Variants in SIL1 observed in about 807,000 individuals in gnomAD.
The protein encoded by SIL1 is SIL1 nucleotide exchange factor.
SIL1 carries 40 observed loss-of-function variants against 49.1 expected under a neutral mutation model. The ratio of observed to expected loss-of-function variants is 0.81; its 90% confidence interval spans 0.63 to 1.06. The LOEUF (loss-of-function observed/expected upper bound fraction) is 1.06. Ranked by LOEUF, SIL1 falls within the 50% of genes least tolerant of loss-of-function variation. The pLI is 0.00. For synonymous variants in SIL1, 253 were observed against 250.8 expected (o/e 1.01, Z -0.08); for missense variants, 500 against 572.6 (o/e 0.87, Z 1.29).
In SIL1 at chr5:139,190,955, G is replaced by C. The variant is rs988798669; in HGVS notation, c.-11+7314C>G. Among the ~76,000 whole-genome samples, 7 of 152,166 alleles carry C rather than the reference G, an allele frequency of 4.6e-5. No homozygotes were observed. The South Asian group carries it at 1.0e-3, about 23-fold the overall frequency. On this transcript the variant is annotated intron_variant, in intron 1 of 9. Coordinates refer to ENST00000394817, the MANE Select transcript of SIL1 (RefSeq NM_022464.5). The stretch of plus-strand genomic sequence containing the variant: ...AAAAACAAGAAGCAACCTTAGGCCA[G>C]AGACAGTGGCTCACACCTGTAATCC...
At chr5:139,119,139 C>T (rs979467295) in intron 3 of SIL1, among the ~76,000 whole-genome samples, 1 of 152,216 alleles carries the variant, frequency 6.6e-6, no homozygotes, top group African/African-American at 2.4e-5. Context: ...GCCAATGAAA[C>T]ATCAAGTTAA....
intron 7 of SIL1, among the ~76,000 whole-genome samples, chr5:139,006,898 C>G (rs1472221994): frequency 1.4e-5 from 2 of 147,888 alleles, no homozygotes; most frequent in African/African-American, 2.5e-5. Context: ...TAGTGTGATG[C>G]CTCCAGCTTT....
chr5:139,043,805 G>A (rs539428552), intron 4 of SIL1, among the ~76,000 whole-genome samples: 2 of 152,360 alleles, frequency 1.3e-5, no homozygotes, highest in South Asian at 4.1e-4. Flanking sequence ...ACAGAGGTAA[G>A]CACAAGAATG....
intron 1 of SIL1, among the ~76,000 whole-genome samples, chr5:139,130,819 C>T (rs2151797300): frequency 6.6e-6 from 1 of 152,300 alleles, no homozygotes; most frequent in East Asian, 1.9e-4. Flanking sequence ...CTGATACATG[C>T]TGCAACATGG....
intron 3 of SIL1, among the ~76,000 whole-genome samples, chr5:139,107,852 C>T (rs945555708): frequency 6.6e-6 from 1 of 152,196 alleles, no homozygotes; most frequent in Admixed American, 6.5e-5. Context: ...TTTAAAATAA[C>T]CCTCTGAAGT....
intron 3 of SIL1, among the ~76,000 whole-genome samples, chr5:139,087,901 G>A (rs965608264): frequency 2.0e-5 from 3 of 152,126 alleles, no homozygotes; most frequent in Admixed American, 2.0e-4. Context: ...CATCCCAAGT[G>A]GCTAATGTGG....
intron 1 of SIL1, among the ~76,000 whole-genome samples, chr5:139,149,032 T>C (rs1315246695): frequency 6.6e-6 from 1 of 151,910 alleles, no homozygotes; most frequent in Non-Finnish European, 1.5e-5. Context: ...CACCCTGAAA[T>C]GCAACCACTC....
At chr5:139,155,636 AC>A (rs1320826768) in intron 1 of SIL1, among the ~76,000 whole-genome samples, 5 of 152,340 alleles carry the variant, frequency 3.3e-5, no homozygotes, top group Admixed American at 6.5e-5. Context: ...TTTGGGAGAC[AC>A]AAGCATTCAG....
In SIL1 at chr5:139,049,649, A is replaced by T. The variant is rs541538070; in HGVS notation, c.353+1289T>A. 6.0e-4 allele frequency among the ~76,000 whole-genome samples: 91 copies of T among 152,266 alleles called. 1 individual carries two copies. The highest frequency in any genetic ancestry group is 2.1e-3 in the African/African-American group (87 of 41,562). The stretch of plus-strand genomic sequence containing the variant: ...ACAAAAAAATTTAAAAAAATTAGCC[A>T]GGCATAGTGGCACACACCTGTAGCC... On this transcript the variant is annotated intron_variant, in intron 4 of 9. Coordinates refer to ENST00000394817, the MANE Select transcript of SIL1 (RefSeq NM_022464.5).
intron 1 of SIL1, among the ~76,000 whole-genome samples, chr5:139,171,503 C>T (rs10058451): frequency 0.19 from 29,484 of 151,768 alleles, 6,415 homozygotes; most frequent in African/African-American, 0.54. Flanking sequence ...TTGAAGGCAG[C>T]GTGCTCGTTA....
chr5:139,082,921 G>A (rs530924414), intron 3 of SIL1, among the ~76,000 whole-genome samples: 5 of 152,246 alleles, frequency 3.3e-5, no homozygotes, highest in African/African-American at 7.2e-5. Context: ...AGTCCCTCCC[G>A]AACTAGACGA....
At chr5:139,031,497 C>T (rs1768792003) in intron 5 of SIL1, among the ~76,000 whole-genome samples, 1 of 152,196 alleles carries the variant, frequency 6.6e-6, no homozygotes, top group Admixed American at 6.5e-5. Flanking sequence ...ACCAATACCA[C>T]ATTGTCTTGA....
chr5:139,079,826 A>T (rs1770034198), intron 3 of SIL1, among the ~76,000 whole-genome samples: 1 of 152,240 alleles, frequency 6.6e-6, no homozygotes, highest in South Asian at 2.1e-4. Flanking sequence ...GGTTTGAAGG[A>T]ATCATCTCCA....
intron 1 of SIL1, among the ~76,000 whole-genome samples, chr5:139,172,787 T>TG (rs1206251213): frequency 6.6e-6 from 1 of 152,208 alleles, no homozygotes; most frequent in Non-Finnish European, 1.5e-5. Context: ...TGCCAGCTGT[T>TG]GCGGCCACAG....
In SIL1 at chr5:138,947,127, T is replaced by A; in HGVS notation, c.1376A>T (p.Glu459Val). ...TCCTGGTGTGGGGCCTCATCTCAGCTCCTTCAGCAAGCTGTTGACAGAGCC... is the reference window on the plus strand; with the variant it reads ...TCCTGGTGTGGGGCCTCATCTCAGCACCTTCAGCAAGCTGTTGACAGAGCC... ...LLGSVNSLLK[E>V]LR The change falls in exon 10 of 10, where the codon GAG becomes GTG. Residue 459 changes from glutamate (E) to valine (V), a missense_variant. Transcript: ENST00000394817. The surrounding 1 kb of genome is among the most constrained non-coding windows in gnomAD (Gnocchi z 4.1). 1.9e-6 allele frequency: 3 copies of A among 1,613,096 alleles called. No homozygotes were observed. In the South Asian group the frequency reaches 3.3e-5, roughly 18 times the overall value.
intron 1 of SIL1, among the ~76,000 whole-genome samples, chr5:139,171,944 G>GA (rs1751781032): frequency 1.3e-5 from 2 of 151,980 alleles, no homozygotes; most frequent in South Asian, 4.1e-4. Context: ...TCTAGAGCTG[G>GA]AAAGTACAAT....
At chr5:139,048,247 GC>G (rs1331611653) in intron 4 of SIL1, among the ~76,000 whole-genome samples, 1 of 151,770 alleles carries the variant, frequency 6.6e-6, no homozygotes, top group East Asian at 1.9e-4. Flanking sequence ...ACCTCCCCAG[GC>G]TCAGGTAATC....
At chr5:139,065,677 C>A (rs1769689074) in intron 3 of SIL1, among the ~76,000 whole-genome samples, 1 of 152,178 alleles carries the variant, frequency 6.6e-6, no homozygotes, top group South Asian at 2.1e-4. Context: ...CACCTCCACC[C>A]CACCTTCACA....
chr5:139,038,379 C>T (rs1211296535), intron 5 of SIL1, among the ~76,000 whole-genome samples: 1 of 152,166 alleles, frequency 6.6e-6, no homozygotes, highest in Non-Finnish European at 1.5e-5. Context: ...TTCTGGCTTA[C>T]TTGTGTGGGT....
Sources: gnomAD v4.1 joint callset for allele counts (sites outside exome capture counted in the v4.1 genomes callset) on GRCh38, gnomAD v4.1.1 for gene constraint, Gnocchi (gnomAD v3.1) non-coding constraint, MANE v1.5 for transcripts, NCBI Gene and HGNC (gene_info 2026-07-23, HGNC 2026-07-21) for gene names.